Variants in ULK4 observed in about 807,000 individuals in gnomAD.
The protein encoded by ULK4 is unc-51 like kinase 4, also known as inactive serine/threonine-protein kinase ULK4.
ULK4 carries 133 observed loss-of-function variants against 160.6 expected under a neutral mutation model. The ratio of observed to expected loss-of-function variants is 0.83; its 90% CI spans 0.72 to 0.96. ULK4 has a LOEUF of 0.96. Among genes scored for constraint, ULK4 ranks in the 40% least tolerant of loss-of-function variants. ULK4 has a pLI of 0.00. For synonymous variants in ULK4, 534 were observed against 539.8 expected (o/e 0.99, Z 0.15); for missense variants, 1,580 against 1,499.5 (o/e 1.05, Z -0.89).
In ULK4 at chr3:41,398,156, CCA is replaced by C; in HGVS notation, c.3599_3600del (p.Val1200GlyfsTer31). The C allele has an allele frequency of 6.2e-7, 1 of 1,613,512 alleles. No individual in the cohort carries two copies. Among genetic ancestry groups the C allele is most frequent in the Non-Finnish European group, 8.5e-7 (1 of 1,179,672 alleles). On this transcript the variant is annotated frameshift_variant, in exon 35 of 37. Coordinates refer to ENST00000301831, the MANE Select transcript of ULK4 (RefSeq NM_017886.4). LOFTEE classifies it high-confidence loss of function. ...GATGTCAGTAAATGAGCAAAAATTT[CCA>C]CATTTTCAGGAGAGAGGCTGTCCGG... The part of the protein sequence containing the change: ...ENPDSLSPEN[V>X]EIFAHLLTSK...
At chr3:41,879,657 T>A (rs1697436685) in intron 17 of ULK4, among the ~76,000 whole-genome samples, 1 of 152,106 alleles carries the variant, frequency 6.6e-6, no homozygotes. Context: ...ACTCTATTTT[T>A]TCTAGAGACA....
At chr3:41,902,364 G>C (rs756608451) in intron 12 of ULK4, among the ~76,000 whole-genome samples, 2 of 152,036 alleles carry the variant, frequency 1.3e-5, no homozygotes, top group Admixed American at 1.3e-4. Context: ...CACATCACGA[G>C]GTCAGGAGTT....
In ULK4 at chr3:41,502,224, T is replaced by C. The variant is rs112229066; in HGVS notation, c.3227-38971A>G. On this transcript the variant is annotated intron_variant, in intron 32 of 36. Transcript: ENST00000301831. ...GTTGGATATATTCCCAGAAGTAGAA[T>C]TGCTGGATGATATGGTAATTCTATT... Among the ~76,000 whole-genome samples the C allele has an allele frequency of 6.1e-3, 924 of 152,354 alleles. 9 individuals are homozygous for C. The highest frequency in any genetic ancestry group is 0.021 in the African/African-American group (888 of 41,576).
chr3:41,423,015 A>G (rs960785840), intron 34 of ULK4, among the ~76,000 whole-genome samples: 2 of 152,240 alleles, frequency 1.3e-5, no homozygotes, highest in African/African-American at 4.8e-5. Context: ...AGATTGACAT[A>G]TAAGTACAGA....
intron 35 of ULK4, among the ~76,000 whole-genome samples, chr3:41,317,670 GAAC>G (rs1395944148): frequency 6.6e-6 from 1 of 152,046 alleles, no homozygotes; most frequent in African/African-American, 2.4e-5. Context: ...ATATCCCTCT[GAAC>G]AACAACAAAT....
intron 35 of ULK4, among the ~76,000 whole-genome samples, chr3:41,259,173 C>A: frequency 6.6e-6 from 1 of 151,528 alleles, no homozygotes; most frequent in East Asian, 1.9e-4. Flanking sequence ...TAATTTTATG[C>A]AAACTCTGCT....
At chr3:41,478,402 A>G (rs565806147) in intron 32 of ULK4, among the ~76,000 whole-genome samples, 4 of 152,336 alleles carry the variant, frequency 2.6e-5, no homozygotes, top group South Asian at 2.1e-4. Context: ...TTACTTTCCT[A>G]AGAAAATTTT....
At chr3:41,411,420 C>CTTT (rs556696303) in intron 34 of ULK4, among the ~76,000 whole-genome samples, 26,171 of 142,628 alleles carry the variant, frequency 0.18, 2,472 homozygotes, top group African/African-American at 0.22. Context: ...ACATTCCTTT[C>CTTT]TTTTTTTTTT....
At chr3:41,787,691 C>T (rs527981159) in intron 21 of ULK4, among the ~76,000 whole-genome samples, 1 of 152,272 alleles carries the variant, frequency 6.6e-6, no homozygotes, top group South Asian at 2.1e-4. Context: ...GAACTGTACA[C>T]TTCAAAATGG....
intron 34 of ULK4, 98 bp from the exon 35 acceptor site, chr3:41,398,362 T>G: frequency 9.2e-6 from 11 of 1,189,660 alleles, no homozygotes; most frequent in Non-Finnish European, 1.3e-5. Context: ...GGTGTCAGCC[T>G]GAGTAGTCTG....
intron 34 of ULK4, among the ~76,000 whole-genome samples, chr3:41,415,181 C>T (rs2082495915): frequency 6.6e-6 from 1 of 152,166 alleles, no homozygotes; most frequent in South Asian, 2.1e-4. Flanking sequence ...TTAAACAATT[C>T]TACTGAAGCA....
At chr3:41,791,900 G>A (rs530266748) in intron 20 of ULK4, among the ~76,000 whole-genome samples, 25 of 152,228 alleles carry the variant, frequency 1.6e-4, no homozygotes, top group South Asian at 1.5e-3. Flanking sequence ...AACACCTACA[G>A]AATTAATAAT....
chr3:41,652,301 A>C (rs1395224353), intron 30 of ULK4, among the ~76,000 whole-genome samples: 1 of 151,390 alleles, frequency 6.6e-6, no homozygotes, highest in African/African-American at 2.4e-5. Flanking sequence ...ATGAATAAGT[A>C]AAAAAAAATA....
At chr3:41,770,432 A>C (rs1374952338) in intron 21 of ULK4, among the ~76,000 whole-genome samples, 1 of 152,110 alleles carries the variant, frequency 6.6e-6, no homozygotes, top group African/African-American at 2.4e-5. Context: ...CATCCATAAA[A>C]TAATCTTCCT....
At chr3:41,442,580 C>A (rs1216682706) in intron 34 of ULK4, among the ~76,000 whole-genome samples, 1 of 152,032 alleles carries the variant, frequency 6.6e-6, no homozygotes, top group Non-Finnish European at 1.5e-5. Context: ...TTTAAAGTTT[C>A]TTTTCAAAAT....
At chr3:41,597,436 G>T (rs1237157694) in intron 31 of ULK4, among the ~76,000 whole-genome samples, 4 of 152,170 alleles carry the variant, frequency 2.6e-5, no homozygotes, top group Non-Finnish European at 5.9e-5. Context: ...TTAAGTGAAA[G>T]TTTGCTCTGT....
intron 35 of ULK4, among the ~76,000 whole-genome samples, chr3:41,262,351 A>T (rs1023660933): frequency 6.6e-6 from 1 of 152,218 alleles, no homozygotes; most frequent in East Asian, 1.9e-4. Context: ...GGGTCAAAGT[A>T]AGGAACACTG....
intron 1 of ULK4, among the ~76,000 whole-genome samples, chr3:41,961,553 C>CCTT (rs1553693525): frequency 7.5e-4 from 6 of 7,998 alleles, no homozygotes; most frequent in Admixed American, 1.4e-3. Context: ...GTCACTCACC[C>CCTT]CCCCCCCCCC....
intron 17 of ULK4, among the ~76,000 whole-genome samples, chr3:41,852,169 C>T (rs2042231756): frequency 6.6e-6 from 1 of 152,158 alleles, no homozygotes; most frequent in Non-Finnish European, 1.5e-5. Flanking sequence ...CACATACACC[C>T]TCCCAAGACT....
Sources: allele counts gnomAD v4.1 joint callset (sites outside exome capture counted in the v4.1 genomes callset), GRCh38; gene constraint gnomAD v4.1.1; transcripts MANE v1.5; gene names NCBI Gene and HGNC (gene_info 2026-07-23, HGNC 2026-07-21).